Variants in IL1RAPL1 observed in about 807,000 individuals in gnomAD.
The protein encoded by IL1RAPL1 is interleukin 1 receptor accessory protein like 1.
Under a neutral mutation model 48.4 loss-of-function variants are expected in IL1RAPL1, and 3 were observed. The ratio of observed to expected loss-of-function variants is 0.06; its 90% CI spans 0.03 to 0.16. The LOEUF (loss-of-function observed/expected upper bound fraction) is 0.16. IL1RAPL1 is among the 10% of genes least tolerant of loss of function. IL1RAPL1 has a pLI of 1.00. For missense variants in IL1RAPL1, 349 were observed against 530.6 expected (o/e 0.66, Z 3.36); for synonymous variants, 185 against 187.7 (o/e 0.99, Z 0.12).
At chrX:28,901,044 A>C (rs1021673393) in intron 2 of IL1RAPL1, among the ~76,000 whole-genome samples, 2 of 112,170 alleles carry the variant, frequency 1.8e-5, no homozygotes, top group African/African-American at 6.5e-5. Context: ...GCATTTATTC[A>C]CTCATCATCT....
chrX:29,126,283 T>G (rs1305587625), intron 2 of IL1RAPL1, among the ~76,000 whole-genome samples: 1 of 112,103 alleles, frequency 8.9e-6, no homozygotes, highest in Admixed American at 9.5e-5. Flanking sequence ...ATTAAAAGTT[T>G]GATTATAACC....
At chrX:29,750,985 T>C (rs1452466658) in intron 6 of IL1RAPL1, among the ~76,000 whole-genome samples, 1 of 111,844 alleles carries the variant, frequency 8.9e-6, no homozygotes, top group African/African-American at 3.2e-5. Context: ...ATCCAGTGTT[T>C]GCTAAAAGCT....
chrX:29,139,999 G>T (rs1295043190), intron 2 of IL1RAPL1, among the ~76,000 whole-genome samples: 3 of 111,536 alleles, frequency 2.7e-5, no homozygotes, highest in Non-Finnish European at 5.6e-5. Flanking sequence ...GGTTCTGCAG[G>T]TTGTACAAGA....
chrX:29,314,046 C>G (rs1359848489), intron 3 of IL1RAPL1, among the ~76,000 whole-genome samples: 2 of 111,597 alleles, frequency 1.8e-5, no homozygotes, highest in Non-Finnish European at 3.8e-5. Context: ...ATAATTCATT[C>G]GCGATTGTGG....
intron 1 of IL1RAPL1, among the ~76,000 whole-genome samples, chrX:28,721,303 A>G (rs1323103057): frequency 4.5e-5 from 5 of 111,829 alleles, no homozygotes; most frequent in African/African-American, 1.3e-4. Context: ...GTGTGAGATA[A>G]TATCTCATTG....
At chrX:29,703,833 C>G (rs1373759172) in intron 6 of IL1RAPL1, among the ~76,000 whole-genome samples, 1 of 111,638 alleles carries the variant, frequency 9.0e-6, no homozygotes, top group Non-Finnish European at 1.9e-5. Flanking sequence ...AAATATCAGT[C>G]AAAAATATTT....
intron 2 of IL1RAPL1, among the ~76,000 whole-genome samples, chrX:28,833,998 A>G (rs1921140130): frequency 8.9e-6 from 1 of 112,182 alleles, no homozygotes; most frequent in Non-Finnish European, 1.9e-5. Context: ...ACCACTTTCA[A>G]ATTATTTATT....
intron 8 of IL1RAPL1, among the ~76,000 whole-genome samples, chrX:29,925,792 A>G (rs1932885701): frequency 9.0e-6 from 1 of 110,988 alleles, no homozygotes; most frequent in Non-Finnish European, 1.9e-5. Flanking sequence ...CTCCTGTCTC[A>G]GTCTCCCAAA....
chrX:28,789,507 A>G, intron 2 of IL1RAPL1, 82 bp downstream of exon 2: 2 of 688,861 alleles, frequency 2.9e-6, no homozygotes, highest in South Asian at 4.4e-5. Context: ...CATTAGTGGA[A>G]AAGTTGAGAA....
chrX:28,896,933 C>CCATTTTCTG (rs1390564381), intron 2 of IL1RAPL1, among the ~76,000 whole-genome samples: 1 of 111,024 alleles, frequency 9.0e-6, no homozygotes, highest in East Asian at 2.8e-4. Context: ...ATCAAAAGTG[C>CCATTTTCTG]CATTTTCTGG....
At chrX:28,799,548 T>C (rs1035082824) in intron 2 of IL1RAPL1, among the ~76,000 whole-genome samples, 1 of 111,955 alleles carries the variant, frequency 8.9e-6, no homozygotes, top group Non-Finnish European at 1.9e-5. Context: ...AAGCTGCCTT[T>C]GCAGAGAAGG....
intron 2 of IL1RAPL1, among the ~76,000 whole-genome samples, chrX:28,877,487 A>G (rs1056613443): frequency 1.5e-4 from 17 of 112,152 alleles, no homozygotes; most frequent in Non-Finnish European, 2.8e-4. Flanking sequence ...CATTTTGAGA[A>G]TGCCACTCTG....
At chrX:29,530,868 G>T (rs1238897449) in intron 5 of IL1RAPL1, among the ~76,000 whole-genome samples, 1 of 112,020 alleles carries the variant, frequency 8.9e-6, no homozygotes, top group African/African-American at 3.2e-5. Flanking sequence ...ATTTTTTCCA[G>T]TTGCTAGCTG....
intron 3 of IL1RAPL1, among the ~76,000 whole-genome samples, chrX:29,321,601 ATAATT>A (rs1569284983): frequency 3.6e-5 from 4 of 111,894 alleles, no homozygotes; most frequent in Non-Finnish European, 7.5e-5. Flanking sequence ...TTTAGTACGT[ATAATT>A]TAGAATTATC....
intron 1 of IL1RAPL1, among the ~76,000 whole-genome samples, chrX:28,668,775 G>T (rs1481641823): frequency 1.8e-5 from 2 of 111,346 alleles, no homozygotes; most frequent in African/African-American, 6.5e-5. Flanking sequence ...ACTGTCTATG[G>T]CCTCTCATGA....
chrX:28,750,989 C>A (rs185989738), intron 1 of IL1RAPL1, among the ~76,000 whole-genome samples: 1 of 111,996 alleles, frequency 8.9e-6, no homozygotes, highest in South Asian at 3.7e-4. Flanking sequence ...GATTACCTAG[C>A]GGATTTCTCA....
At chrX:29,414,082 TA>T (rs1351350567) in intron 5 of IL1RAPL1, among the ~76,000 whole-genome samples, 1 of 111,356 alleles carries the variant, frequency 9.0e-6, no homozygotes, top group Non-Finnish European at 1.9e-5. Flanking sequence ...TTTTTGTGGT[TA>T]ACATTCCAAA....
chrX:28,798,868 C>T (rs1399916669), intron 2 of IL1RAPL1, among the ~76,000 whole-genome samples: 7 of 111,464 alleles, frequency 6.3e-5, no homozygotes, highest in African/African-American at 1.6e-4. Flanking sequence ...ATGAGAGATG[C>T]GGAAGGAGAA....
At chrX:29,669,676 G>A (rs1569142354) in intron 6 of IL1RAPL1, among the ~76,000 whole-genome samples, 1 of 111,491 alleles carries the variant, frequency 9.0e-6, no homozygotes, top group East Asian at 2.8e-4. Context: ...ATTTATACAA[G>A]TCAGGGTGTT....
Sources: gnomAD v4.1 joint callset for allele counts (sites outside exome capture counted in the v4.1 genomes callset) on GRCh38, gnomAD v4.1.1 for gene constraint, MANE v1.5 for transcripts, NCBI Gene and HGNC (gene_info 2026-07-23, HGNC 2026-07-21) for gene names.